CHD1: variants seen among roughly 807,000 people sequenced by gnomAD.
CHD1 encodes the protein chromodomain helicase DNA binding protein 1, also known as ATP-dependent chromatin remodeler CHD1.
Under a neutral mutation model 224.2 loss-of-function variants are expected in CHD1, and 36 were observed. The ratio of observed to expected loss-of-function variants is 0.16; its 90% CI spans 0.12 to 0.21. The LOEUF (loss-of-function observed/expected upper bound fraction) is 0.21. CHD1 is among the 10% of genes least tolerant of loss of function. The pLI, the probability that CHD1 is intolerant of heterozygous loss-of-function variation, is 1.00. For synonymous variants in CHD1, 668 were observed against 658.3 expected, an observed-to-expected ratio of 1.01 and a Z score of -0.23; for missense variants, 1,378 against 1,994.8, an observed-to-expected ratio of 0.69 and a Z score of 5.89.
At chr5:98,917,937 T>C (rs73776032) in intron 2 of CHD1, among the ~76,000 whole-genome samples, 3,438 of 152,300 alleles carry the variant, frequency 0.023, 98 homozygotes, top group African/African-American at 0.06. Context: ...ATTCCTGGAA[T>C]CTCTCCCTAA....
intron 2 of CHD1, among the ~76,000 whole-genome samples, chr5:98,911,144 AAAATAT>A (rs1289594016): frequency 1.8e-4 from 13 of 73,748 alleles, no homozygotes; most frequent in African/African-American, 5.4e-4. Flanking sequence ...AAAAAAAAAA[AAAATAT>A]ATATATATAT....
At position 98,893,675 on chromosome 5, in the gene CHD1, T is replaced by C. The variant is rs1485179127; in HGVS notation, c.1801-69A>G. ...TCAAATTTAGCCTTCCCATTTAATC[T>C]GAACTCAATTATTAAAATGAAATAA... On this transcript the variant is annotated intron_variant, in intron 13 of 35. Transcript: ENST00000614616. The C allele has an allele frequency of 8.9e-6, 8 of 899,904 alleles. No individual in the cohort carries two copies. In the African/African-American group the frequency reaches 1.4e-4, roughly 16 times the overall value. 55.7% of individuals were successfully genotyped at this position (899,904 alleles called of 1,614,324 possible). A position where few individuals can be genotyped will look rare whatever the true frequency, so the allele number is the denominator to read the frequency against.
At chr5:98,860,942 T>C (rs568939124) in intron 32 of CHD1, among the ~76,000 whole-genome samples, 6 of 152,330 alleles carry the variant, frequency 3.9e-5, no homozygotes, top group Non-Finnish European at 7.4e-5. Flanking sequence ...GATTAACTTA[T>C]AAGGGTAAAA....
chr5:98,902,332 A>C (rs1365765318), intron 5 of CHD1, among the ~76,000 whole-genome samples: 1 of 152,108 alleles, frequency 6.6e-6, no homozygotes, highest in Non-Finnish European at 1.5e-5. Flanking sequence ...TAAGTAACAA[A>C]TCTAATATGC....
chr5:98,884,504 A>G (rs1192441440), intron 18 of CHD1, among the ~76,000 whole-genome samples: 39 of 149,822 alleles, frequency 2.6e-4, no homozygotes, highest in Admixed American at 2.6e-3. Flanking sequence ...CTGGGGACTC[A>G]GAGGGAAAGG....
intron 4 of CHD1, 36 bp downstream of exon 4, chr5:98,903,756 C>T: frequency 7.3e-7 from 1 of 1,367,698 alleles, no homozygotes; most frequent in Non-Finnish European, 1.0e-6. Flanking sequence ...AGCAGCATGT[C>T]CACTTTTAAA....
rs152035 is a variant in CHD1 at position 98,923,543 on chromosome 5, C to T, written c.53+2791G>A. 6.7e-3 allele frequency among the ~76,000 whole-genome samples: 1,019 copies of T among 151,914 alleles called. 5 individuals carry two copies. The highest frequency in any genetic ancestry group is 0.01 in the Non-Finnish European group (705 of 67,970). ...TCAAGCAATTCTCCTGCCTCAGCCT[C>T]GCGAGCAGCTGGGATTACAGGCCAC... is the stretch of plus-strand genomic sequence containing the variant. On this transcript the variant is annotated intron_variant, in intron 2 of 35. Coordinates refer to ENST00000614616, the MANE Select transcript of CHD1 (RefSeq NM_001270.4).
At chr5:98,875,950 A>G (rs1749716735) in intron 24 of CHD1, among the ~76,000 whole-genome samples, 1 of 152,166 alleles carries the variant, frequency 6.6e-6, no homozygotes, top group Non-Finnish European at 1.5e-5. Flanking sequence ...CCTCATCTCA[A>G]TTCCTACTTG....
At position 98,869,328 on chromosome 5, in the gene CHD1, A is replaced by T. The variant is rs1364694752; in HGVS notation, c.4107+426T>A. The T allele has an allele frequency of 8.6e-6, 8 of 929,488 alleles. No homozygotes were observed. In the South Asian group the frequency reaches 2.9e-4, roughly 34 times the overall value. 57.6% of individuals were successfully genotyped at this position (929,488 alleles called of 1,614,324 possible). A position where few individuals can be genotyped will look rare whatever the true frequency, so the allele number is the denominator to read the frequency against. ...TATTACTAACCAAATTTTAACAACG[A>T]CTAATTTTTCTTCATATGACTACAG... On this transcript the variant is annotated intron_variant, in intron 30 of 35. Transcript: ENST00000614616.
At chr5:98,873,855 T>C (rs973000888) in intron 25 of CHD1, 132 bp from the exon 26 acceptor site, 22 of 699,614 alleles carry the variant, frequency 3.1e-5, no homozygotes, top group Admixed American at 7.3e-5. Context: ...TTCACATAAA[T>C]GGCAGGAAAC....
At chr5:98,856,916 T>A (rs1748078049) in intron 35 of CHD1, among the ~76,000 whole-genome samples, 191 bp from the exon 36 acceptor site, 1 of 152,184 alleles carries the variant, frequency 6.6e-6, no homozygotes, top group African/African-American at 2.4e-5. Context: ...AACTATTTGA[T>A]TCATAAAACT....
intron 30 of CHD1, chr5:98,869,094 T>G: frequency 4.3e-6 from 4 of 921,808 alleles, no homozygotes; most frequent in Non-Finnish European, 3.9e-6. Flanking sequence ...TCTTTTTCCT[T>G]TATATCTTTC....
In CHD1 at chr5:98,903,716, A is replaced by G. The variant is rs1200456436; in HGVS notation, c.372+76T>C. 1.1e-5 allele frequency: 11 copies of G among 985,220 alleles called. No homozygotes were observed. In the South Asian group the frequency reaches 1.2e-4, roughly 10 times the overall value. 61.0% of individuals were successfully genotyped at this position (985,220 alleles called of 1,614,324 possible). A position where few individuals can be genotyped will look rare whatever the true frequency, so the allele number is the denominator to read the frequency against. On this transcript the variant is annotated intron_variant, in intron 4 of 35. Coordinates refer to ENST00000614616, the MANE Select transcript of CHD1 (RefSeq NM_001270.4). ...TCTTTCAAAGCACTTATTATTTTTA[A>G]TAATTTCACAAATACTAGTTAACTG... is the stretch of plus-strand genomic sequence containing the variant.
At chr5:98,905,223 C>T in intron 2 of CHD1, 125 bp from the exon 3 acceptor site, 1 of 1,103,036 alleles carries the variant, frequency 9.1e-7, no homozygotes, top group Non-Finnish European at 1.3e-6. Flanking sequence ...TATCTTTGGC[C>T]AAAAAAAAGA....
chr5:98,915,178 G>T (rs1752660152), intron 2 of CHD1, among the ~76,000 whole-genome samples: 1 of 152,130 alleles, frequency 6.6e-6, no homozygotes, highest in South Asian at 2.1e-4. Flanking sequence ...ACTATAAAAG[G>T]TTTCAGAAAA....
At chr5:98,903,394 C>T (rs1009338363) in intron 4 of CHD1, among the ~76,000 whole-genome samples, 1 of 151,136 alleles carries the variant, frequency 6.6e-6, no homozygotes, top group African/African-American at 2.5e-5. Context: ...TGTATAGTGG[C>T]CATCTACTCT....
At chr5:98,858,547 A>G (rs1580341485) in intron 34 of CHD1, 157 bp from the exon 35 acceptor site, 1 of 590,332 alleles carries the variant, frequency 1.7e-6, no homozygotes, top group East Asian at 2.8e-5. Context: ...GTATAAAAGC[A>G]GTACTAAGGA....
chr5:98,865,950 T>G (rs1348521611), intron 31 of CHD1, among the ~76,000 whole-genome samples: 1 of 151,722 alleles, frequency 6.6e-6, no homozygotes, highest in Admixed American at 6.6e-5. Context: ...AAAAGAAATG[T>G]GGGGGGAAAA....
chr5:98,918,244 G>A (rs1752871519), intron 2 of CHD1, among the ~76,000 whole-genome samples: 2 of 151,324 alleles, frequency 1.3e-5, no homozygotes, highest in Admixed American at 6.6e-5. Flanking sequence ...ATTTTTAGTA[G>A]AGACGGGGTT....
Sources: gnomAD v4.1 joint callset for allele counts (sites outside exome capture counted in the v4.1 genomes callset) on GRCh38, gnomAD v4.1.1 for gene constraint, MANE v1.5 for transcripts, NCBI Gene and HGNC (gene_info 2026-07-23, HGNC 2026-07-21) for gene names.